MEG3: variants seen among roughly 807,000 people sequenced by gnomAD.
The protein encoded by MEG3 is Very putative protein from MEG3 locus.
At chr14:100,832,017 T>A (rs2037409002), downstream of MEG3, 2 of 151,780 alleles carry the variant, frequency 1.3e-5, 1 homozygote, top group South Asian at 4.2e-4. Context: ...TACATTAGGT[T>A]CCCACGGGGA....
intron 2 of MEG3, among the ~76,000 whole-genome samples, chr14:100,841,678 G>A (rs1595280614): frequency 6.6e-6 from 1 of 152,208 alleles, no homozygotes; most frequent in Admixed American, 6.5e-5. Flanking sequence ...GTGGGTCAGA[G>A]CTCTTGCCCA....
chr14:100,845,202 G>C lies in MEG3; in HGVS notation n.3046-256G>C, dbSNP rs1017932177. Among the ~76,000 whole-genome samples, 37 of 152,278 alleles carry C rather than the reference G, an allele frequency of 2.4e-4. No individual in the cohort carries two copies. The highest frequency in any genetic ancestry group is 8.4e-4 in the African/African-American group (35 of 41,552). ...TTTGGGTCCCACAGAGCACGACTTC[G>C]CTCCGTGAACAGCACCAACCCAAGT... On this transcript the variant is annotated intron_variant and non_coding_transcript_variant, in intron 2 of 3. Coordinates refer to the MEG3 transcript ENST00000398461. The surrounding 1 kb of genome is among the most constrained non-coding windows in gnomAD (Gnocchi z 5.2).
At chr14:100,832,997 A>G (rs2037441763), downstream of MEG3, 1 of 152,274 alleles carries the variant, frequency 6.6e-6, no homozygotes, top group Non-Finnish European at 1.5e-5. Flanking sequence ...CTCACTCAAG[A>G]TCACCAAGTG....
At chr14:100,842,780 G>T (rs1310663598) in intron 2 of MEG3, among the ~76,000 whole-genome samples, 1 of 152,186 alleles carries the variant, frequency 6.6e-6, no homozygotes, top group Admixed American at 6.5e-5. Context: ...AAGATGCAGA[G>T]CTAGAGTTTT....
exon 1 of MEG3, chr14:100,859,428 C>G (rs2038338621): frequency 3.3e-5 from 5 of 152,062 alleles, no homozygotes; most frequent in Admixed American, 3.3e-4. Context: ...GTGTTGTGGC[C>G]CAGGTGATTT....
rs552145581 is a variant in MEG3 at position 100,836,207 on chromosome 14, C to G, written n.2952C>G. The G allele has an allele frequency of 8.8e-6, 4 of 456,454 alleles. No individual in the cohort carries two copies. The East Asian group carries it at 2.8e-4, about 32-fold the overall frequency. 28.3% of individuals were successfully genotyped at this position (456,454 alleles called of 1,614,324 possible). On this transcript the variant is annotated non_coding_transcript_exon_variant, in exon 2 of 4. Transcript: ENST00000398461. ...CCCGGCTGGGTCGGCTGAAGAACTG[C>G]GGATGGAAGCTGCGGAAGAGGCCCT...
upstream of MEG3, chr14:100,856,424 G>C (rs1449126513): frequency 6.5e-6 from 1 of 152,714 alleles, no homozygotes; most frequent in Non-Finnish European, 1.5e-5. Flanking sequence ...GTGGTTTAAA[G>C]TCACTGTGAG....
At chr14:100,833,975 A>G (rs2037474886), downstream of MEG3, 1 of 152,238 alleles carries the variant, frequency 6.6e-6, no homozygotes, top group Non-Finnish European at 1.5e-5. Context: ...ACTCTACCCC[A>G]GCACCCCACG....
chr14:100,840,495 G>C (rs1270821684), intron 2 of MEG3, among the ~76,000 whole-genome samples: 31 of 123,204 alleles, frequency 2.5e-4, no homozygotes, highest in Non-Finnish European at 3.6e-5. Context: ...AATGGAAGGT[G>C]CCTTTTTTTC....
chr14:100,841,049 T>A (rs533774013), intron 2 of MEG3, among the ~76,000 whole-genome samples: 1 of 151,870 alleles, frequency 6.6e-6, no homozygotes, highest in East Asian at 1.9e-4. Context: ...GAGGAGGGGG[T>A]CATGGTGGCC....
chr14:100,847,079 C>G (rs974558889), intron 3 of MEG3: 1 of 150,406 alleles, frequency 6.6e-6, no homozygotes. Context: ...GTAAGGAGGA[C>G]CATGTCAGAC....
chr14:100,839,745 C>A lies in MEG3; in HGVS notation n.3045+3445C>A, dbSNP rs543872799. ...CCCACCTCCTGTCCCAGGAGCCCTG[C>A]AGACACTGCAGCAGGAGGGCACTCT... is the stretch of plus-strand genomic sequence containing the variant. On this transcript the variant is annotated intron_variant and non_coding_transcript_variant, in intron 2 of 3. Transcript: ENST00000398461. Among the ~76,000 whole-genome samples, 15 of 152,298 alleles carry A rather than the reference C, an allele frequency of 9.8e-5. No homozygotes were observed. In the South Asian group the frequency reaches 2.1e-3, roughly 21 times the overall value.
At chr14:100,860,132 G>C (rs1341866232) in exon 1 of MEG3, 2 of 164,780 alleles carry the variant, frequency 1.2e-5, no homozygotes, top group Non-Finnish European at 2.7e-5. Context: ...GCTGGTCCCA[G>C]GGACTCTTGG....
rs2037604762 is a variant in MEG3 at position 100,837,002 on chromosome 14, A to G, written n.3045+702A>G. On this transcript the variant is annotated intron_variant and non_coding_transcript_variant, in intron 2 of 3. Coordinates refer to the MEG3 transcript ENST00000398461. The surrounding 1 kb of genome is among the most constrained non-coding windows in gnomAD (Gnocchi z 5.8). Reference sequence around the variant, plus strand: ...ATCATTTGTTTATTTGTGTTTTACTAATTCAAGATGCAGCCGGGAGCCGTC... The same window carrying G: ...ATCATTTGTTTATTTGTGTTTTACTGATTCAAGATGCAGCCGGGAGCCGTC... 6.6e-6 allele frequency among the ~76,000 whole-genome samples: 1 copy of G among 152,148 alleles called. No homozygotes were observed. Among genetic ancestry groups the G allele is most frequent in the South Asian group, 2.1e-4 (1 of 4,824 alleles).
chr14:100,845,561 C>A lies in MEG3; in HGVS notation n.3121+28C>A. The A allele has an allele frequency of 2.2e-6, 1 of 454,366 alleles. No homozygotes were observed. Among genetic ancestry groups the A allele is most frequent in the Non-Finnish European group, 4.4e-6 (1 of 225,688 alleles). The allele number at this position is 454,366 out of a possible 1,614,324, so 28.1% of individuals were successfully genotyped here. On this transcript the variant is annotated intron_variant and non_coding_transcript_variant, in intron 3 of 3. Transcript: ENST00000398461. This position sits in a 1 kb window ranked among gnomAD's most constrained non-coding sequence, Gnocchi z 5.2. The stretch of plus-strand genomic sequence containing the variant: ...AAGTGGCTGGAGTGTAAAGAACACA[C>A]ATGTGGCCTTGCTGCTGAGGGTGGG...
chr14:100,830,384 C>CA (rs373934045), downstream of MEG3: 81,528 of 132,014 alleles, frequency 0.62, 22,959 homozygotes, highest in Admixed American at 0.66. Flanking sequence ...CACACACACA[C>CA]CCCCTCGTGT....
chr14:100,859,794 CAG>C (rs2140015459), exon 1 of MEG3: 1 of 152,328 alleles, frequency 6.6e-6, no homozygotes, highest in African/African-American at 2.4e-5. Flanking sequence ...CCGTTAGAAA[CAG>C]GGTAATTCAT....
exon 1 of MEG3, chr14:100,859,785 C>G (rs1046793392): frequency 4.6e-5 from 7 of 152,178 alleles, no homozygotes. Context: ...TTTTCCCACC[C>G]GTTAGAAACA....
Position 100,845,770 on chromosome 14 carries a change from A to G in MEG3, n.3121+237A>G. ...GTTGTCTCTGTGGCAAAAGAATTCT[A>G]TAGGCGGGCTTCAAATGTCGGACCC... On this transcript the variant is annotated intron_variant and non_coding_transcript_variant, in intron 3 of 3. Coordinates refer to the MEG3 transcript ENST00000398461. The surrounding 1 kb of genome is among the most constrained non-coding windows in gnomAD (Gnocchi z 5.2). 2 of 223,146 alleles carry G rather than the reference A, an allele frequency of 9.0e-6. No homozygotes were observed. Among genetic ancestry groups the G allele is most frequent in the Non-Finnish European group, 1.8e-5 (2 of 108,670 alleles). The allele number at this position is 223,146 out of a possible 1,614,324, so 13.8% of individuals were successfully genotyped here.
Sources: gnomAD v4.1 joint callset for allele counts (sites outside exome capture counted in the v4.1 genomes callset) on GRCh38, gnomAD v4.1.1 for gene constraint, Gnocchi (gnomAD v3.1) non-coding constraint, MANE v1.5 for transcripts, NCBI Gene and HGNC (gene_info 2026-07-23, HGNC 2026-07-21) for gene names.